Variants in DST observed in about 807,000 individuals in gnomAD.
DST encodes the protein dystonin.
A neutral mutation model predicts 875.2 loss-of-function variants in DST; 253 were observed. The observed-to-expected ratio is 0.29, with a 90% CI of 0.26 to 0.32. The LOEUF (loss-of-function observed/expected upper bound fraction) is 0.32, where lower values mean the gene tolerates loss of function less well. DST is among the 10% of genes least tolerant of loss of function. DST has a pLI of 1.00. For synonymous variants in DST, 3,124 were observed against 3,197.1 expected (o/e 0.98, Z 0.77); for missense variants, 8,287 against 9,111.6 (o/e 0.91, Z 3.68).
intron 4 of DST, among the ~76,000 whole-genome samples, chr6:56,799,731 C>G (rs561784094): frequency 6.6e-6 from 1 of 152,124 alleles, no homozygotes; most frequent in Non-Finnish European, 1.5e-5. Context: ...AAGCAATTCT[C>G]CTGCCTCGGC....
chr6:56,777,274 A>G (rs907270862), intron 4 of DST, among the ~76,000 whole-genome samples: 1 of 152,178 alleles, frequency 6.6e-6, no homozygotes, highest in African/African-American at 2.4e-5. Flanking sequence ...ATAGATAAGA[A>G]GTAAGAGAAA....
rs1562732668 is a variant in DST, at chr6:56,552,271, C to T, written c.16521G>A (p.Leu5507=). The T allele has an allele frequency of 6.2e-7, 1 of 1,613,992 alleles. No homozygotes were observed. The highest frequency in any genetic ancestry group is 1.6e-4 in the Middle Eastern group (1 of 6,062). Residue 5507 remains leucine, a synonymous_variant, in exon 61 of 104, where the codon CTG becomes CTA. Transcript: ENST00000680361. The part of the protein sequence containing the change: ...FYSKLKEFSI[L]LQKAEEHEES... Reference sequence around the variant, plus strand: ...CTTCATGTTCTTCGGCTTTCTGGAGCAGAATAGAAAATTCTTTCAATTTGC... The same window carrying T: ...CTTCATGTTCTTCGGCTTTCTGGAGTAGAATAGAAAATTCTTTCAATTTGC...
At chr6:56,463,380 C>T (rs1372588922) in intron 101 of DST, among the ~76,000 whole-genome samples, 185 bp downstream of exon 101, 1 of 152,170 alleles carries the variant, frequency 6.6e-6, no homozygotes, top group Non-Finnish European at 1.5e-5. Context: ...TAGATCATCT[C>T]TATGTGGGCC....
chr6:56,712,457 A>C lies in DST; in HGVS notation c.688-8088T>G, dbSNP rs570452482. ...CTTAACGTGTCTAAGGAGAAAACCT[A>C]ATCAAGGAAACAAAATTTTGATGGA... On this transcript the variant is annotated intron_variant, in intron 5 of 103. Transcript: ENST00000680361. 2.0e-5 allele frequency among the ~76,000 whole-genome samples: 3 copies of C among 152,354 alleles called. No individual in the cohort carries two copies. In the South Asian group the frequency reaches 6.2e-4, roughly 32 times the overall value.
intron 4 of DST, among the ~76,000 whole-genome samples, chr6:56,772,781 A>C (rs1322482755): frequency 2.0e-5 from 3 of 152,224 alleles, no homozygotes; most frequent in African/African-American, 7.2e-5. Flanking sequence ...GCCAGCCTCC[A>C]GGAGGAATCC....
At chr6:56,473,745 G>T in intron 93 of DST, 128 bp downstream of exon 93, 1 of 861,264 alleles carries the variant, frequency 1.2e-6, no homozygotes, top group Non-Finnish European at 1.8e-6. Context: ...ATTCCTTCTA[G>T]AAAGTATTTC....
intron 3 of DST, among the ~76,000 whole-genome samples, chr6:56,877,998 A>G (rs1252194644): frequency 6.6e-6 from 1 of 152,222 alleles, no homozygotes; most frequent in Non-Finnish European, 1.5e-5. Flanking sequence ...AAGACCAGTC[A>G]TGCAATAAAG....
Position 56,501,555 on chromosome 6 carries a change from A to T in DST, c.19705T>A (p.Trp6569Arg). The T allele has an allele frequency of 6.2e-7, 1 of 1,603,368 alleles. No individual in the cohort carries two copies. Among genetic ancestry groups the T allele is most frequent in the Non-Finnish European group, 8.5e-7 (1 of 1,174,498 alleles). Reference protein sequence around the residue: ...QDPLMELKLIWDSLEERIINR... With the variant: ...QDPLMELKLIRDSLEERIINR... ...ATGATTCTCTCCTCCAGGCTATCCC[A>T]TATCAATTTCAGTTCCATTAATGGG... is the stretch of plus-strand genomic sequence containing the variant. Residue 6569 changes from tryptophan to arginine, a missense_variant, in exon 79 of 104, where the codon TGG becomes AGG. This residue lies in a region of DST where 1,292 missense variants were observed against 1,552.7 expected (regional missense o/e 0.83). Transcript: ENST00000680361.
intron 45 of DST, 90 bp from the exon 46 acceptor site, chr6:56,598,799 CAG>C (rs375993031): frequency 1.9e-4 from 130 of 676,016 alleles, no homozygotes; most frequent in African/African-American, 4.8e-4. Flanking sequence ...AGAGTGAGTA[CAG>C]AGAGAGTCTA....
chr6:56,512,851 A>C (rs2096505175), intron 72 of DST, among the ~76,000 whole-genome samples: 1 of 152,222 alleles, frequency 6.6e-6, no homozygotes, highest in African/African-American at 2.4e-5. Flanking sequence ...AAGAAGGAAG[A>C]GTCTAATATA....
chr6:56,529,712 C>G lies in DST; in HGVS notation c.17331G>C (p.Gln5777His), dbSNP rs1225607312. 1.2e-6 allele frequency: 2 copies of G among 1,612,724 alleles called. No individual in the cohort carries two copies. The highest frequency in any genetic ancestry group is 3.3e-5 in the Admixed American group (2 of 59,838). Residue 5777 changes from glutamine (Q) to histidine (H), a missense_variant, in exon 66 of 104, where the codon CAG becomes CAC. By Grantham distance (24) the Gln-to-His change is conservative. This residue lies in a region of DST where 777 missense variants were observed against 764.8 expected (regional missense o/e 1.02). Transcript: ENST00000680361. ...KHLHQAVSIG[Q>H]SLKVLSSRED... is the part of the protein sequence containing the mutation. ...CCCTGGAGCTCAAAACCTTTAAGGA[C>G]TGGCCAATGCTAACAGCCTGGTGTA...
chr6:56,947,373 C>T (rs1353026744), intron 2 of DST, among the ~76,000 whole-genome samples: 2 of 151,842 alleles, frequency 1.3e-5, no homozygotes, highest in Non-Finnish European at 2.9e-5. Context: ...GCCTCAGCCT[C>T]CCGAGTAGCT....
chr6:56,618,330 G>A lies in DST; in HGVS notation c.4930-3846C>T, dbSNP rs2098649940. ...GGGGATCTGGGTGTTGGGTGAAGGT[G>A]TCCAGTGTTTCTAGAGGACAGCTCT... is the stretch of plus-strand genomic sequence containing the variant. On this transcript the variant is annotated intron_variant, in intron 36 of 103. Transcript: ENST00000680361. The A allele has an allele frequency of 1.2e-6, 2 of 1,614,042 alleles. No homozygotes were observed. Among genetic ancestry groups the A allele is most frequent in the African/African-American group, 2.7e-5 (2 of 74,924 alleles).
chr6:56,783,546 C>G (rs2099698737), intron 4 of DST, among the ~76,000 whole-genome samples: 5 of 152,104 alleles, frequency 3.3e-5, no homozygotes, highest in Admixed American at 6.5e-5. Flanking sequence ...AGGATTGCAG[C>G]CCCTGCCTTT....
At chr6:56,752,936 C>T (rs2099591983) in intron 4 of DST, among the ~76,000 whole-genome samples, 1 of 152,070 alleles carries the variant, frequency 6.6e-6, no homozygotes, top group African/African-American at 2.4e-5. Context: ...GGATTACAGA[C>T]ATGCACCACC....
At chr6:56,578,471 C>T (rs1296273056) in intron 50 of DST, among the ~76,000 whole-genome samples, 13 of 152,104 alleles carry the variant, frequency 8.5e-5, no homozygotes. Context: ...CTACTTTGGC[C>T]TTAAGTTGAA....
At chr6:56,531,172 A>G (rs1472411779) in intron 64 of DST, among the ~76,000 whole-genome samples, 3 of 152,190 alleles carry the variant, frequency 2.0e-5, no homozygotes, top group Admixed American at 2.0e-4. Flanking sequence ...CTAAATTCAA[A>G]TATCCAATCA....
intron 78 of DST, 121 bp from the exon 79 acceptor site, chr6:56,501,814 G>T: frequency 1.6e-6 from 1 of 642,884 alleles, no homozygotes; most frequent in Non-Finnish European, 2.4e-6. Context: ...GTGACGCAAA[G>T]TAAAAATCTC....
intron 10 of DST, among the ~76,000 whole-genome samples, chr6:56,661,790 G>C (rs1345804580): frequency 2.0e-5 from 3 of 152,144 alleles, no homozygotes; most frequent in African/African-American, 7.2e-5. Flanking sequence ...GTTTCTCCAT[G>C]TTGGCCAGGA....
Sources: gnomAD v4.1 joint callset for allele counts (sites outside exome capture counted in the v4.1 genomes callset) on GRCh38, gnomAD v4.1.1 for gene constraint, gnomAD v4.1.1 regional missense constraint, MANE v1.5 for transcripts, NCBI Gene and HGNC (gene_info 2026-07-23, HGNC 2026-07-21) for gene names.